The following LARP1B variants were observed in gnomAD, a reference collection of about 807,000 sequenced individuals.
The protein encoded by LARP1B is la-related protein 1B.
Under a neutral mutation model 114.2 loss-of-function variants are expected in LARP1B, and 76 were observed. The observed-to-expected ratio is 0.67, with a 90% CI of 0.55 to 0.81. LARP1B has a LOEUF of 0.81. Ranked by LOEUF, LARP1B falls within the 30% of genes least tolerant of loss-of-function variation. The pLI is 0.00. For synonymous variants in LARP1B, 345 were observed against 348.0 expected (o/e 0.99, Z 0.10); for missense variants, 1,014 against 1,075.8 (o/e 0.94, Z 0.80).
At chr4:128,142,369 A>G (rs541937067) in intron 11 of LARP1B, among the ~76,000 whole-genome samples, 2 of 152,350 alleles carry the variant, frequency 1.3e-5, no homozygotes, top group East Asian at 3.9e-4. Flanking sequence ...AATGCTACAA[A>G]TGGAGGAAAG....
chr4:128,156,592 G>T (rs1402915860), intron 11 of LARP1B, among the ~76,000 whole-genome samples: 1 of 151,902 alleles, frequency 6.6e-6, no homozygotes, highest in African/African-American at 2.4e-5. Context: ...GTGACAGAAG[G>T]TGCCACTTTA....
rs149195038 is a variant in LARP1B at position 128,179,440 on chromosome 4, A to G, written c.1931A>G (p.Asn644Ser). 533 of 1,610,668 alleles carry G rather than the reference A, an allele frequency of 3.3e-4. 2 individuals carry two copies. Among genetic ancestry groups the G allele is most frequent in the Admixed American group, 1.6e-3 (93 of 59,356 alleles). Residue 644 changes from asparagine to serine, a missense_variant, in exon 15 of 20, where the codon AAT becomes AGT. Coordinates refer to ENST00000326639, the MANE Select transcript of LARP1B (RefSeq NM_018078.4). Reference protein sequence around the residue: ...PRKRKTRHSTNPPLECHVGWV... With the variant: ...PRKRKTRHSTSPPLECHVGWV... ...AAGAGAAAAACAAGGCATAGCACAA[A>G]TCCCCCTCTAGAGTGTCATGTTGGT...
chr4:128,077,429 A>T (rs1579912293), intron 3 of LARP1B, among the ~76,000 whole-genome samples: 1 of 151,890 alleles, frequency 6.6e-6, no homozygotes, highest in East Asian at 1.9e-4. Context: ...TGAACCCAGG[A>T]GGTGGAGGCT....
At chr4:128,150,538 C>T (rs566022346) in intron 11 of LARP1B, among the ~76,000 whole-genome samples, 2 of 152,158 alleles carry the variant, frequency 1.3e-5, no homozygotes, top group East Asian at 1.9e-4. Flanking sequence ...AGTAATCCTT[C>T]CACATCAGCC....
In LARP1B at chr4:128,091,337, T is replaced by A; in HGVS notation, c.503-10T>A. ...TGTGATTACCTTTCTTTTTCTTTATTCACATCAAGTGAACTTTGATTATTC... is the reference window on the plus strand; with the variant it reads ...TGTGATTACCTTTCTTTTTCTTTATACACATCAAGTGAACTTTGATTATTC... On this transcript the variant is annotated splice_polypyrimidine_tract_variant and intron_variant, in intron 6 of 19. Transcript: ENST00000326639. 6.2e-7 allele frequency: 1 copy of A among 1,600,472 alleles called. No homozygotes were observed. Among genetic ancestry groups the A allele is most frequent in the Non-Finnish European group, 8.5e-7 (1 of 1,173,626 alleles).
chr4:128,089,174 A>G (rs1299117062), intron 5 of LARP1B, among the ~76,000 whole-genome samples: 1 of 152,088 alleles, frequency 6.6e-6, no homozygotes, highest in Non-Finnish European at 1.5e-5. Context: ...GATGATGCCA[A>G]ACATCCTGTA....
intron 8 of LARP1B, among the ~76,000 whole-genome samples, chr4:128,104,076 T>C (rs925453939): frequency 5.9e-5 from 9 of 152,122 alleles, no homozygotes; most frequent in African/African-American, 2.2e-4. Context: ...GTGCTGGGAT[T>C]ACAGGTGTGA....
chr4:128,208,625 G>A (rs375100621), intron 19 of LARP1B, among the ~76,000 whole-genome samples: 6 of 152,182 alleles, frequency 3.9e-5, no homozygotes, highest in Admixed American at 2.0e-4. Context: ...AAGTACAACG[G>A]AAGATTGGAT....
At chr4:128,103,925 G>T (rs1781211342) in intron 8 of LARP1B, among the ~76,000 whole-genome samples, 1 of 151,122 alleles carries the variant, frequency 6.6e-6, no homozygotes, top group Non-Finnish European at 1.5e-5. Flanking sequence ...TGTACATAAA[G>T]AACTTTGAGC....
chr4:128,123,780 T>A, intron 11 of LARP1B: 1 of 797,348 alleles, frequency 1.3e-6, no homozygotes, highest in African/African-American at 1.9e-5. Context: ...AGTAACAAAT[T>A]TGTAAGCCAA....
Position 128,191,815 on chromosome 4 carries a change from C to T in LARP1B, c.2004-7624C>T, listed in dbSNP as rs1578546126. On this transcript the variant is annotated intron_variant, in intron 15 of 19. Coordinates refer to ENST00000326639, the MANE Select transcript of LARP1B (RefSeq NM_018078.4). Reference sequence around the variant, plus strand: ...TATGGGTTGAGGCAGGAACAGTTTTCCTGCAAGGGAACCCAAGATGGTGGG... The same window carrying T: ...TATGGGTTGAGGCAGGAACAGTTTTTCTGCAAGGGAACCCAAGATGGTGGG... Among the ~76,000 whole-genome samples, 4 of 152,156 alleles carry T rather than the reference C, an allele frequency of 2.6e-5. No individual in the cohort carries two copies. In the South Asian group the frequency reaches 8.3e-4, roughly 32 times the overall value.
At position 128,210,155 on chromosome 4, in the gene LARP1B, A is replaced by G; in HGVS notation, c.*102A>G. ...CCTTGAAGTCAACATTTACATCAGT[A>G]TTTATTTGGGGAAAATCTTCTGGTG... On this transcript the variant is annotated 3_prime_UTR_variant, in exon 20 of 20. Transcript: ENST00000326639. The G allele has an allele frequency of 1.3e-6, 2 of 1,548,626 alleles. No individual in the cohort carries two copies. The highest frequency in any genetic ancestry group is 1.7e-6 in the Non-Finnish European group (2 of 1,147,422).
At chr4:128,098,742 T>C (rs1273206725) in intron 8 of LARP1B, among the ~76,000 whole-genome samples, 1 of 22,810 alleles carries the variant, frequency 4.4e-5, no homozygotes, top group African/African-American at 1.2e-4. Flanking sequence ...CCTGTATATG[T>C]ATGTGTATAT....
At chr4:128,219,852 T>C (rs937914524) in intron 6 of LARP1B, among the ~76,000 whole-genome samples, 25 of 151,898 alleles carry the variant, frequency 1.6e-4, no homozygotes, top group Admixed American at 7.9e-4. Context: ...AAGGGGGTTA[T>C]GTTTATATTA....
chr4:128,122,203 C>T lies in LARP1B; in HGVS notation c.1524+15C>T. The stretch of plus-strand genomic sequence containing the variant: ...CAGCCATAAAGGTAATTGTTTCTGG[C>T]CAACATCTTTCTACTGATGCTTTGT... On this transcript the variant is annotated intron_variant, in intron 11 of 19. Coordinates refer to ENST00000326639, the MANE Select transcript of LARP1B (RefSeq NM_018078.4). 2 of 1,609,442 alleles carry T rather than the reference C, an allele frequency of 1.2e-6. No individual in the cohort carries two copies. The highest frequency in any genetic ancestry group is 1.7e-6 in the Non-Finnish European group (2 of 1,176,732).
At chr4:128,075,962 A>G (rs1767674795) in intron 3 of LARP1B, among the ~76,000 whole-genome samples, 1 of 152,206 alleles carries the variant, frequency 6.6e-6, no homozygotes, top group Non-Finnish European at 1.5e-5. Flanking sequence ...TCCTTTTGAT[A>G]GTTTACCCGC....
intron 9 of LARP1B, among the ~76,000 whole-genome samples, chr4:128,113,311 A>G (rs1372646948): frequency 2.0e-5 from 3 of 151,766 alleles, no homozygotes; most frequent in Admixed American, 2.0e-4. Flanking sequence ...TATTTATAAA[A>G]GAAGCCATTT....
intron 15 of LARP1B, among the ~76,000 whole-genome samples, chr4:128,188,436 T>C (rs937567115): frequency 1.1e-4 from 17 of 152,166 alleles, no homozygotes; most frequent in Non-Finnish European, 2.2e-4. Flanking sequence ...TTTGTTGATT[T>C]TGTTTATCTT....
At chr4:128,120,309 A>G (rs954616015) in intron 10 of LARP1B, among the ~76,000 whole-genome samples, 3 of 152,202 alleles carry the variant, frequency 2.0e-5, no homozygotes, top group African/African-American at 7.2e-5. Context: ...TGAAGGGTAA[A>G]ATAGGCCAGA....
Sources: allele counts gnomAD v4.1 joint callset (sites outside exome capture counted in the v4.1 genomes callset), GRCh38; gene constraint gnomAD v4.1.1; transcripts MANE v1.5; gene names NCBI Gene and HGNC (gene_info 2026-07-23, HGNC 2026-07-21).